The following PFAS variants were observed in gnomAD, a reference collection of about 807,000 sequenced individuals.
The protein encoded by PFAS is phosphoribosylformylglycinamidine synthase.
In PFAS, 97 loss-of-function variants were observed where a neutral mutation model predicts 140.6. The ratio of observed to expected loss-of-function variants is 0.69; its 90% CI spans 0.59 to 0.82. The LOEUF (loss-of-function observed/expected upper bound fraction) is 0.82. Ranked by LOEUF, PFAS falls within the 40% of genes least tolerant of loss-of-function variation. The pLI is 0.00. For missense variants in PFAS, 1,656 were observed against 1,780.2 expected, an observed-to-expected ratio of 0.93 and a Z score of 1.26; for synonymous variants, 679 against 718.8, an observed-to-expected ratio of 0.94 and a Z score of 0.88.
At chr17:8,248,055 C>CA (rs748572429), upstream of PFAS, 16 of 1,585,906 alleles carry the variant, frequency 1.0e-5, no homozygotes, top group Non-Finnish European at 8.6e-7. Flanking sequence ...GGAGCTCCGC[C>CA]CCCGGGAGGG....
In PFAS at chr17:8,255,073, C is replaced by T. The variant is rs148136900; in HGVS notation, c.325C>T (p.Arg109Cys). Residue 109 changes from arginine to cysteine, a missense_variant, in exon 4 of 28, where the codon CGC becomes TGC. By Grantham distance (180) the Arg-to-Cys change is radical. Coordinates refer to ENST00000314666, the MANE Select transcript of PFAS (RefSeq NM_012393.3). ...PTSTNIVSVC[R>C]ATGLGPVDRV... ...ATCCACCAACATCGTGTCAGTGTGCCGCGCCACTGGGCTGGGGCCTGTGGA... is the reference window on the plus strand; with the variant it reads ...ATCCACCAACATCGTGTCAGTGTGCTGCGCCACTGGGCTGGGGCCTGTGGA... 111 of 1,613,958 alleles carry T rather than the reference C, an allele frequency of 6.9e-5. No homozygotes were observed. In the East Asian group the frequency reaches 1.4e-3, roughly 20 times the overall value.
At chr17:8,260,191 ACAATAATGG>A (rs372217611) in intron 11 of PFAS, among the ~76,000 whole-genome samples, 15,121 of 152,128 alleles carry the variant, frequency 0.099, 1,273 homozygotes, top group East Asian at 0.3. Context: ...TAGTATACAT[ACAATAATGG>A]TTTGCAGTAT....
chr17:8,255,660 G>C lies in PFAS; in HGVS notation c.543G>C (p.Arg181=). 1 of 1,583,378 alleles carries C rather than the reference G, an allele frequency of 6.3e-7. No homozygotes were observed. The highest frequency in any genetic ancestry group is 8.6e-7 in the Non-Finnish European group (1 of 1,166,644). Residue 181 remains arginine, a synonymous_variant, in exon 5 of 28, where the codon CGG becomes CGC. Transcript: ENST00000314666. ...CTATCAATATACTGGGTGAGGGCCG[G>C]CTTGCGCTGGAGAAGGCCAACCAGG... The part of the protein sequence containing the change: ...NGPINILGEG[R]LALEKANQEL...
chr17:8,266,561 C>T lies in PFAS; in HGVS notation c.2822-192C>T. The T allele has an allele frequency of 6.9e-7, 1 of 1,451,182 alleles. No homozygotes were observed. Among genetic ancestry groups the T allele is most frequent in the Non-Finnish European group, 9.0e-7 (1 of 1,106,956 alleles). 89.9% of individuals were successfully genotyped at this position (1,451,182 alleles called of 1,614,324 possible). A position where few individuals can be genotyped will look rare whatever the true frequency, so the allele number is the denominator to read the frequency against. ...TCCTGACTGCACCCCTCTGAGACTT[C>T]CCATCCCTGAGATGTCCATGATGAA... On this transcript the variant is annotated intron_variant, in intron 22 of 27. Transcript: ENST00000314666. This position sits in a 1 kb window ranked among gnomAD's most constrained non-coding sequence, Gnocchi z 5.0.
chr17:8,268,526 C>T lies in PFAS; in HGVS notation c.3383-7C>T. 6.2e-7 allele frequency: 1 copy of T among 1,609,406 alleles called. No homozygotes were observed. The highest frequency in any genetic ancestry group is 8.5e-7 in the Non-Finnish European group (1 of 1,177,922). On this transcript the variant is annotated splice_region_variant and splice_polypyrimidine_tract_variant and intron_variant, in intron 26 of 27. Transcript: ENST00000314666. ...TGTCTCACCCTGACTTCCCTATTCCCTGCTAGGGTGGGCAGCTGCTGTGAC... is the reference window on the plus strand; with the variant it reads ...TGTCTCACCCTGACTTCCCTATTCCTTGCTAGGGTGGGCAGCTGCTGTGAC...
Position 8,255,435 on chromosome 17 carries a change from A to C in PFAS, c.385-67A>C, listed in dbSNP as rs751019803. 1.2e-5 allele frequency: 15 copies of C among 1,212,758 alleles called. No homozygotes were observed. The African/African-American group carries it at 1.8e-4, about 15-fold the overall frequency. 75.1% of individuals were successfully genotyped at this position (1,212,758 alleles called of 1,614,324 possible). A position where few individuals can be genotyped will look rare whatever the true frequency, so the allele number is the denominator to read the frequency against. On this transcript the variant is annotated intron_variant, in intron 4 of 27. Coordinates refer to ENST00000314666, the MANE Select transcript of PFAS (RefSeq NM_012393.3). ...AGCCTTGCATGACTAAGAGGGTAGG[A>C]AGGTGGACCATTTCTCTCCATTCTT...
chr17:8,258,324 C>A, intron 11 of PFAS, 125 bp downstream of exon 11: 1 of 1,046,622 alleles, frequency 9.6e-7, no homozygotes, highest in Non-Finnish European at 1.4e-6. Context: ...TCTTATGTGT[C>A]ACATAATGAT....
chr17:8,252,903 C>T (rs1295142794), intron 1 of PFAS, among the ~76,000 whole-genome samples: 1 of 152,188 alleles, frequency 6.6e-6, no homozygotes, highest in Non-Finnish European at 1.5e-5. Context: ...AGGTGTTAGC[C>T]ACTATGCCCC....
rs1464102179 is a variant in PFAS at position 8,257,833 on chromosome 17, A to C, written c.1102A>C (p.Ser368Arg). 1 of 1,613,820 alleles carries C rather than the reference A, an allele frequency of 6.2e-7. No homozygotes were observed. The highest frequency in any genetic ancestry group is 8.5e-7 in the Non-Finnish European group (1 of 1,179,848). ...PGYNLPWEDP[S>R]FQYPGNFARP... ...TTACAATCTGCCCTGGGAGGATCCA[A>C]GCTTCCAGTATCCTGGGAATTTTGC... Residue 368 changes from serine (S) to arginine (R), a missense_variant, in exon 10 of 28, where the codon AGC (serine) becomes CGC (arginine). By Grantham distance (110) the Ser-to-Arg change is moderately radical. This residue lies in a region of PFAS where 773 missense variants were observed against 757.3 expected (regional missense o/e 1.02). Transcript: ENST00000314666.
At position 8,269,177 on chromosome 17, in the gene PFAS, A is replaced by G. The variant is rs758969137; in HGVS notation, c.3930A>G (p.Arg1310=). 6.2e-7 allele frequency: 1 copy of G among 1,613,128 alleles called. No individual in the cohort carries two copies. The highest frequency in any genetic ancestry group is 8.5e-7 in the Non-Finnish European group (1 of 1,179,792). The change falls in exon 28 of 28, where the codon CGA becomes CGG. Residue 1310 remains arginine (R), a synonymous_variant. Coordinates refer to ENST00000314666, the MANE Select transcript of PFAS (RefSeq NM_012393.3). The part of the protein sequence containing the change: ...RAVRPWQWAW[R]PPPFDTLTTS... ...TTAGGCCTTGGCAGTGGGCATGGCG[A>G]CCCCCTCCATTTGATACTCTGACCA... is the stretch of plus-strand genomic sequence containing the variant.
Position 8,262,972 on chromosome 17 carries a change from T to C in PFAS, c.1389T>C (p.Gly463=), listed in dbSNP as rs757423002. 2 of 1,613,774 alleles carry C rather than the reference T, an allele frequency of 1.2e-6. No homozygotes were observed. Among genetic ancestry groups the C allele is most frequent in the African/African-American group, 2.7e-5 (2 of 74,840 alleles). The change falls in exon 12 of 28, where the codon GGT becomes GGC. Residue 463 remains glycine, a synonymous_variant. Coordinates refer to ENST00000314666, the MANE Select transcript of PFAS (RefSeq NM_012393.3). The part of the protein sequence containing the change: ...GGPVYRIGVG[G]GAASSVQVQG... ...CCGTCTACAGGATTGGAGTTGGAGG[T>C]GGAGCTGCTTCATCTGTGCAGGTGA...
chr17:8,265,835 T>TCCCCTCA, intron 20 of PFAS, 27 bp from the exon 21 acceptor site: 1 of 1,578,382 alleles, frequency 6.3e-7, no homozygotes, highest in Non-Finnish European at 8.6e-7. Context: ...GCTGTTCCCC[T>TCCCCTCA]CCCCTCACCC....
At chr17:8,257,365 G>A (rs1014720270) in intron 9 of PFAS, among the ~76,000 whole-genome samples, 1 of 151,766 alleles carries the variant, frequency 6.6e-6, no homozygotes, top group African/African-American at 2.4e-5. Flanking sequence ...AACCATCCTG[G>A]CTAACACGGT....
At position 8,259,015 on chromosome 17, in the gene PFAS, G is replaced by A. The variant is rs574055844; in HGVS notation, c.1336+816G>A. 5.3e-5 allele frequency among the ~76,000 whole-genome samples: 8 copies of A among 150,146 alleles called. No homozygotes were observed. In the East Asian group the frequency reaches 7.8e-4, roughly 15 times the overall value. On this transcript the variant is annotated intron_variant, in intron 11 of 27. Transcript: ENST00000314666. ...AAAAAAAAAAAAAAATTACCCAGGC[G>A]TCATGGTGCATGCCTATAGTCCCAG...
chr17:8,247,995 A>G (rs373483074), upstream of PFAS: 17 of 1,563,394 alleles, frequency 1.1e-5, no homozygotes, highest in African/African-American at 2.0e-4. Context: ...ACGTAATAGC[A>G]GCACTCACGG....
intron 15 of PFAS, 127 bp from the exon 16 acceptor site, chr17:8,264,085 G>A: frequency 6.9e-7 from 1 of 1,459,708 alleles, no homozygotes; most frequent in Non-Finnish European, 9.6e-7. Flanking sequence ...GATCCAAGGA[G>A]GGGCAGGGAC....
chr17:8,262,104 A>G (rs1567641127), intron 11 of PFAS, among the ~76,000 whole-genome samples: 1 of 152,116 alleles, frequency 6.6e-6, no homozygotes, highest in Non-Finnish European at 1.5e-5. Context: ...TGCTACTGTA[A>G]ATAGACATAG....
intron 9 of PFAS, 120 bp downstream of exon 9, chr17:8,257,083 C>A: frequency 1.8e-6 from 2 of 1,100,802 alleles, no homozygotes; most frequent in Non-Finnish European, 2.7e-6. Flanking sequence ...GGAGGAAGGG[C>A]TCTAGGATAG....
rs201363182 is a variant in PFAS at position 8,259,208 on chromosome 17, C to CT, written c.1336+1017dup. Among the ~76,000 whole-genome samples, 641 of 150,646 alleles carry CT rather than the reference C, an allele frequency of 4.3e-3. 3 individuals are homozygous for CT. Among genetic ancestry groups the CT allele is most frequent in the Non-Finnish European group, 6.6e-3 (446 of 67,774 alleles). ...ACATGGCATACCGTTTTTAGGTAAA[C>CT]TTTTTTTTCTCTTTTTTGTTAATTA... On this transcript the variant is annotated intron_variant, in intron 11 of 27. Coordinates refer to ENST00000314666, the MANE Select transcript of PFAS (RefSeq NM_012393.3).
Sources: gnomAD v4.1 joint callset for allele counts (sites outside exome capture counted in the v4.1 genomes callset) on GRCh38, gnomAD v4.1.1 for gene constraint, gnomAD v4.1.1 regional missense constraint, Gnocchi (gnomAD v3.1) non-coding constraint, MANE v1.5 for transcripts, NCBI Gene and HGNC (gene_info 2026-07-23, HGNC 2026-07-21) for gene names.